Variants in CDH17 observed in about 807,000 individuals in gnomAD.
CDH17 encodes cadherin-17.
Under a neutral mutation model 86.3 loss-of-function variants are expected in CDH17, and 67 were observed. That is an observed-to-expected ratio of 0.78 (90% CI 0.64 to 0.95). CDH17 has a LOEUF of 0.95. Ranked by LOEUF, CDH17 falls within the 40% of genes least tolerant of loss-of-function variation. CDH17 has a pLI of 0.00. For missense variants in CDH17, 993 were observed against 1,017.6 expected, an observed-to-expected ratio of 0.98 and a Z score of 0.33; for synonymous variants, 367 against 366.4, an observed-to-expected ratio of 1.00 and a Z score of -0.02.
In CDH17 at chr8:94,199,247, C is replaced by T. The variant is rs1023327553; in HGVS notation, c.-20-4542G>A. ...GTAAATTCTAAAACATTTATGATTA[C>T]CTAACATGGATATCTTATTAATTTG... On this transcript the variant is annotated intron_variant, in intron 1 of 17. Coordinates refer to ENST00000027335, the MANE Select transcript of CDH17 (RefSeq NM_004063.4). 2.6e-5 allele frequency among the ~76,000 whole-genome samples: 4 copies of T among 151,636 alleles called. No homozygotes were observed. In the East Asian group the frequency reaches 7.7e-4, roughly 29 times the overall value.
At chr8:94,140,771 CATTAG>C (rs1269855647) in intron 15 of CDH17, among the ~76,000 whole-genome samples, 28 of 152,090 alleles carry the variant, frequency 1.8e-4, no homozygotes, top group African/African-American at 6.5e-4. Context: ...TATATCAATA[CATTAG>C]ATTAATGAAA....
chr8:94,134,363 T>G (rs1270103374), intron 15 of CDH17, among the ~76,000 whole-genome samples: 1 of 152,230 alleles, frequency 6.6e-6, no homozygotes, highest in Non-Finnish European at 1.5e-5. Flanking sequence ...AGATTCAACT[T>G]CTTCCTGGTT....
intron 15 of CDH17, among the ~76,000 whole-genome samples, chr8:94,137,994 T>C (rs902410159): frequency 5.9e-5 from 9 of 152,178 alleles, no homozygotes; most frequent in African/African-American, 2.2e-4. Context: ...TCATAACATT[T>C]ATAGGCCTCA....
At chr8:94,213,737 C>T (rs1003023867) in intron 1 of CDH17, among the ~76,000 whole-genome samples, 2 of 152,182 alleles carry the variant, frequency 1.3e-5, no homozygotes, top group Admixed American at 6.5e-5. Flanking sequence ...CCAACAACCT[C>T]CTCATGATAA....
At chr8:94,189,895 T>C (rs183504177) in intron 2 of CDH17, among the ~76,000 whole-genome samples, 1 of 152,350 alleles carries the variant, frequency 6.6e-6, no homozygotes, top group Admixed American at 6.5e-5. Flanking sequence ...TGATTAGCTC[T>C]TTACATTCAT....
In CDH17 at chr8:94,146,238, T is replaced by C. The variant is rs1488361247; in HGVS notation, c.1928-71A>G. 2.2e-6 allele frequency: 3 copies of C among 1,367,676 alleles called. No homozygotes were observed. In the African/African-American group the frequency reaches 4.5e-5, roughly 20 times the overall value. The allele number at this position is 1,367,676 out of a possible 1,614,324, so 84.7% of individuals were successfully genotyped here. ...CCTCTTAATAAGAAAGATTTCCCTT[T>C]CTTTAAAATTCAAGGAGTTAGGTAC... On this transcript the variant is annotated intron_variant, in intron 14 of 17. Transcript: ENST00000027335.
At position 94,127,481 on chromosome 8, in the gene CDH17, G is replaced by A. The variant is rs2130557679; in HGVS notation, c.*759C>T. The A allele has an allele frequency of 6.6e-6, 1 of 152,304 alleles. No individual in the cohort carries two copies. Among genetic ancestry groups the A allele is most frequent in the African/African-American group, 2.4e-5 (1 of 41,568 alleles). 9.4% of individuals were successfully genotyped at this position (152,304 alleles called of 1,614,324 possible). A position where few individuals can be genotyped will look rare whatever the true frequency, so the allele number is the denominator to read the frequency against. On this transcript the variant is annotated 3_prime_UTR_variant, in exon 18 of 18. Coordinates refer to ENST00000027335, the MANE Select transcript of CDH17 (RefSeq NM_004063.4). ...TGGTTAATGACACAGAAACATTTCT[G>A]TTAATACTAAGGGAAAAGGCTGTTC...
chr8:94,211,031 A>AG (rs1814114303), upstream of CDH17, among the ~76,000 whole-genome samples: 1 of 151,700 alleles, frequency 6.6e-6, no homozygotes, highest in Non-Finnish European at 1.5e-5. Context: ...AAAAAAAAAA[A>AG]AAAAAAAGAA....
At chr8:94,165,588 C>T (rs1007788142) in intron 10 of CDH17, among the ~76,000 whole-genome samples, 173 bp downstream of exon 10, 2 of 152,150 alleles carry the variant, frequency 1.3e-5, no homozygotes, top group Non-Finnish European at 2.9e-5. Flanking sequence ...GCTGCAGCTC[C>T]GGCCTTTACA....
exon 1 of CDH17, chr8:94,217,249 A>G (rs1004614131): frequency 6.6e-6 from 1 of 152,356 alleles, no homozygotes; most frequent in Non-Finnish European, 1.5e-5. Flanking sequence ...CAAGTCCACT[A>G]AGCAGATTGA....
At chr8:94,151,719 G>A (rs936457882) in intron 13 of CDH17, 149 bp downstream of exon 13, 1 of 919,828 alleles carries the variant, frequency 1.1e-6, no homozygotes, top group Non-Finnish European at 1.6e-6. Context: ...CCCCCAGGGT[G>A]TTGACAGCTT....
chr8:94,199,076 TATATA>T (rs1369703103), intron 1 of CDH17, among the ~76,000 whole-genome samples: 283 of 15,918 alleles, frequency 0.018, no homozygotes, highest in Middle Eastern at 0.045. Flanking sequence ...TATATATATA[TATATA>T]TATTTTTTTT....
At position 94,188,936 on chromosome 8, in the gene CDH17, C is replaced by T. The variant is rs377142024; in HGVS notation, c.150+251G>A. Among the ~76,000 whole-genome samples the T allele has an allele frequency of 2.9e-3, 438 of 152,266 alleles. 3 individuals carry two copies. The highest frequency in any genetic ancestry group is 0.01 in the African/African-American group (421 of 41,558). On this transcript the variant is annotated intron_variant, in intron 3 of 17. Coordinates refer to ENST00000027335, the MANE Select transcript of CDH17 (RefSeq NM_004063.4). ...AGGGGAGAGGCAGAGCCTGCAGCCA[C>T]CAAGCTCCCTGCAGAGGGCTGGGAG...
At chr8:94,180,943 C>CA (rs59930370) in intron 3 of CDH17, among the ~76,000 whole-genome samples, 6,820 of 69,606 alleles carry the variant, frequency 0.098, 250 homozygotes, top group Non-Finnish European at 0.11. Flanking sequence ...ACAAACAAAC[C>CA]AAAAAAAAAA....
intron 1 of CDH17, among the ~76,000 whole-genome samples, chr8:94,204,080 T>C (rs1017190329): frequency 6.6e-6 from 1 of 152,236 alleles, no homozygotes; most frequent in African/African-American, 2.4e-5. Flanking sequence ...TAATCAATTA[T>C]AATACACATT....
At chr8:94,186,574 G>C (rs1813584426) in intron 3 of CDH17, among the ~76,000 whole-genome samples, 1 of 152,064 alleles carries the variant, frequency 6.6e-6, no homozygotes, top group Admixed American at 6.6e-5. Flanking sequence ...ACCCACCAAA[G>C]ACCCTAACTC....
chr8:94,174,388 T>C, intron 5 of CDH17, 128 bp from the exon 6 acceptor site: 1 of 888,284 alleles, frequency 1.1e-6, no homozygotes, highest in Admixed American at 2.7e-5. Context: ...TTCACACCAG[T>C]GGGGAAATAA....
intron 9 of CDH17, among the ~76,000 whole-genome samples, chr8:94,166,525 C>T (rs559429023): frequency 6.6e-6 from 1 of 152,306 alleles, no homozygotes; most frequent in South Asian, 2.1e-4. Flanking sequence ...TAGCCTAGAA[C>T]AGAGGGTTAC....
chr8:94,128,483 G>A, intron 17 of CDH17, 143 bp from the exon 18 acceptor site: 2 of 611,866 alleles, frequency 3.3e-6, no homozygotes, highest in East Asian at 2.8e-5. Context: ...CTGTCCTAGT[G>A]AATAAGGGAC....
Sources: allele counts gnomAD v4.1 joint callset (sites outside exome capture counted in the v4.1 genomes callset), GRCh38; gene constraint gnomAD v4.1.1; transcripts MANE v1.5; gene names NCBI Gene and HGNC (gene_info 2026-07-23, HGNC 2026-07-21).